The following BTBD8 variants were observed in gnomAD, a reference collection of about 807,000 sequenced individuals.
The protein encoded by BTBD8 is BTB/POZ domain-containing protein 8.
Under a neutral mutation model 162.9 loss-of-function variants are expected in BTBD8, and 110 were observed. That is an observed-to-expected ratio of 0.68 (90% confidence interval 0.58 to 0.79). The LOEUF is 0.79. Among genes scored for constraint, BTBD8 ranks in the 30% least tolerant of loss-of-function variants. The probability of loss-of-function intolerance (pLI) is 0.00; values close to 1 mark genes in which losing one functional copy is unlikely to be tolerated. For missense variants in BTBD8, 1,905 were observed against 2,085.4 expected (o/e 0.91, Z 1.68); for synonymous variants, 667 against 716.1 (o/e 0.93, Z 1.10).
At chr1:92,176,691 A>C (rs944441829) in intron 13 of BTBD8, 138 bp from the exon 14 acceptor site, 2 of 466,026 alleles carry the variant, frequency 4.3e-6, no homozygotes. Context: ...ATGATCAAAG[A>C]CAGTTCAAGC....
In BTBD8 at chr1:92,168,923, T is replaced by C. The variant is rs1423860602; in HGVS notation, c.1501T>C (p.Ser501Pro). 1 of 1,544,686 alleles carries C rather than the reference T, an allele frequency of 6.5e-7. No homozygotes were observed. Among genetic ancestry groups the C allele is most frequent in the Admixed American group, 2.0e-5 (1 of 50,950 alleles). ...TAAGCTGTGGATCTTCCTGGTTCAG[T>C]CTTTCTATGCTGTTCGTCACACAGA... Reference protein sequence around the residue: ...RDKLWIFLVQSFYAVRHTESW... With the variant: ...RDKLWIFLVQPFYAVRHTESW... Residue 501 changes from serine (S) to proline (P), a missense_variant, in exon 12 of 18, where the codon TCT becomes CCT. Physicochemically the swap from Ser to Pro is moderately conservative, Grantham distance 74 (BLOSUM62 -1). Around this residue, in one of 3 missense-constraint regions of BTBD8, gnomAD observed 1,374 missense variants for 1,442.7 expected, o/e 0.95. Transcript: ENST00000636805.
intron 1 of BTBD8, among the ~76,000 whole-genome samples, chr1:92,083,004 G>A (rs146013752): frequency 7.9e-4 from 120 of 152,078 alleles, no homozygotes; most frequent in African/African-American, 2.7e-3. Context: ...AGAAATGATG[G>A]TGGCACCTAT....
Position 92,180,771 on chromosome 1 carries a change from A to T in BTBD8, c.3088A>T (p.Asn1030Tyr), listed in dbSNP as rs1317037023. ...AGAGAAGTTGGCGTTAGAATGCCAA[A>T]ATATTTCAAAGCTGGATAAATCATT... ...EKEKLALECQ[N>Y]ISKLDKSLKH... The change falls in exon 17 of 18, where the codon AAT (asparagine) becomes TAT (tyrosine). Residue 1030 changes from asparagine to tyrosine, a missense_variant. By Grantham distance (143) the Asn-to-Tyr change is moderately radical (BLOSUM62 -2). Transcript: ENST00000636805. The T allele has an allele frequency of 6.4e-7, 1 of 1,551,780 alleles. No individual in the cohort carries two copies. The highest frequency in any genetic ancestry group is 1.4e-5 in the African/African-American group (1 of 73,182).
At position 92,159,533 on chromosome 1, in the gene BTBD8, T is replaced by C. The variant is rs1345462153; in HGVS notation, c.1123-7425T>C. ...TTTTCTTATGCTCTCATGTTGCTTTTTAATGTACTTTTGTTTCAACTTGAA... is the reference window on the plus strand; with the variant it reads ...TTTTCTTATGCTCTCATGTTGCTTTCTAATGTACTTTTGTTTCAACTTGAA... On this transcript the variant is annotated intron_variant, in intron 9 of 17. Transcript: ENST00000636805. 2.0e-5 allele frequency among the ~76,000 whole-genome samples: 3 copies of C among 152,198 alleles called. No homozygotes were observed. The South Asian group carries it at 6.2e-4, about 32-fold the overall frequency.
chr1:92,128,348 G>A (rs1249181512), intron 4 of BTBD8, among the ~76,000 whole-genome samples: 3 of 151,782 alleles, frequency 2.0e-5, no homozygotes, highest in East Asian at 1.9e-4. Context: ...GTGCAATCTC[G>A]GCTCACTGCA....
intron 1 of BTBD8, among the ~76,000 whole-genome samples, chr1:92,085,521 G>A (rs1410418972): frequency 6.6e-6 from 1 of 152,090 alleles, no homozygotes; most frequent in Non-Finnish European, 1.5e-5. Flanking sequence ...GAACCTAGGA[G>A]GTAGAGGTGC....
At position 92,183,992 on chromosome 1, in the gene BTBD8, C is replaced by T. The variant is rs755501596; in HGVS notation, c.5041C>T (p.His1681Tyr). ...AFEQKVESET[H>Y]VTDMDFEDDQ... is the part of the protein sequence containing the mutation. Reference sequence around the variant, plus strand: ...TGAGCAGAAAGTGGAATCAGAAACACATGTTACAGATATGGATTTTGAAGA... The same window carrying T: ...TGAGCAGAAAGTGGAATCAGAAACATATGTTACAGATATGGATTTTGAAGA... Residue 1681 changes from histidine to tyrosine, a missense_variant, in exon 18 of 18, where the codon CAT becomes TAT. Coordinates refer to ENST00000636805, the MANE Select transcript of BTBD8 (RefSeq NM_001376131.1). 1.5e-5 allele frequency: 23 copies of T among 1,551,386 alleles called. No homozygotes were observed. Among genetic ancestry groups the T allele is most frequent in the Non-Finnish European group, 1.6e-5 (18 of 1,146,836 alleles).
In BTBD8 at chr1:92,087,519, T is replaced by C. The variant is rs191641824; in HGVS notation, c.150-1179T>C. On this transcript the variant is annotated intron_variant, in intron 1 of 17. Transcript: ENST00000636805. The stretch of plus-strand genomic sequence containing the variant: ...TTTATGCTCTGAAGCATTTGTTTTG[T>C]CTAGGGTAAAATAGGATCATTTAAT... Among the ~76,000 whole-genome samples, 499 of 152,348 alleles carry C rather than the reference T, an allele frequency of 3.3e-3. 3 individuals carry two copies. Among genetic ancestry groups the C allele is most frequent in the Middle Eastern group, 6.8e-3 (2 of 294 alleles).
At chr1:92,174,681 A>T (rs979854515) in intron 13 of BTBD8, among the ~76,000 whole-genome samples, 1 of 152,090 alleles carries the variant, frequency 6.6e-6, no homozygotes, top group African/African-American at 2.4e-5. Context: ...GACCAAGCCT[A>T]TCTGAACGTT....
intron 13 of BTBD8, among the ~76,000 whole-genome samples, chr1:92,172,400 G>A (rs777139240): frequency 2.6e-5 from 4 of 152,192 alleles, no homozygotes. Flanking sequence ...GAGTACTTAA[G>A]TGTATTAAAT....
chr1:92,178,113 G>A (rs1010293822), intron 15 of BTBD8, among the ~76,000 whole-genome samples, 199 bp from the exon 16 acceptor site: 12 of 151,886 alleles, frequency 7.9e-5, no homozygotes, highest in Non-Finnish European at 1.5e-5. Flanking sequence ...GTGTACTATG[G>A]CATATGATTA....
At position 92,164,755 on chromosome 1, in the gene BTBD8, G is replaced by A. The variant is rs567444584; in HGVS notation, c.1123-2203G>A. Among the ~76,000 whole-genome samples, 62 of 150,640 alleles carry A rather than the reference G, an allele frequency of 4.1e-4. 1 individual carries two copies. The highest frequency in any genetic ancestry group is 1.1e-3 in the African/African-American group (46 of 41,208). On this transcript the variant is annotated intron_variant, in intron 9 of 17. Transcript: ENST00000636805. ...TGGCTCACTGCAAGCTCTGCCTCCC[G>A]GGTTCATGCCATCCTTCTACCTCAG...
In BTBD8 at chr1:92,107,957, A is replaced by C; in HGVS notation, c.618A>C (p.Pro206=). ...LLKLYVKPCC[P]DIDIFVDGKR... is the part of the protein sequence containing the mutation. ...AGCTTTATGTGAAACCTTGTTGCCCAGATATTGATATTTTTGTTGATGGAA... is the reference window on the plus strand; with the variant it reads ...AGCTTTATGTGAAACCTTGTTGCCCCGATATTGATATTTTTGTTGATGGAA... The change falls in exon 4 of 18, where the codon CCA becomes CCC. Residue 206 remains proline, a synonymous_variant. Transcript: ENST00000636805. The C allele has an allele frequency of 6.2e-7, 1 of 1,614,126 alleles. No homozygotes were observed.
chr1:92,129,675 T>A lies in BTBD8; in HGVS notation c.663-12T>A. 6.2e-7 allele frequency: 1 copy of A among 1,607,226 alleles called. No homozygotes were observed. Among genetic ancestry groups the A allele is most frequent in the Non-Finnish European group, 8.5e-7 (1 of 1,173,704 alleles). On this transcript the variant is annotated splice_polypyrimidine_tract_variant and intron_variant, in intron 4 of 17. Coordinates refer to ENST00000636805, the MANE Select transcript of BTBD8 (RefSeq NM_001376131.1). ...AATGTTTACCTGTGTTTCTCCCCCC[T>A]CTTCCCTTTAGGGCCATTTTGAGTG...
intron 5 of BTBD8, among the ~76,000 whole-genome samples, chr1:92,133,204 AC>A (rs1247163246): frequency 1.3e-5 from 2 of 152,134 alleles, no homozygotes; most frequent in African/African-American, 4.8e-5. Flanking sequence ...AGGATCATAA[AC>A]CTTGGTGTCC....
intron 4 of BTBD8, among the ~76,000 whole-genome samples, chr1:92,111,117 G>T (rs376524478): frequency 2.0e-5 from 3 of 151,276 alleles, no homozygotes; most frequent in Admixed American, 2.0e-4. Flanking sequence ...TCACCCTCCC[G>T]AGTAGCTGGG....
intron 13 of BTBD8, among the ~76,000 whole-genome samples, chr1:92,175,497 A>G (rs1427378227): frequency 6.7e-6 from 1 of 149,828 alleles, no homozygotes; most frequent in Non-Finnish European, 1.5e-5. Flanking sequence ...AAAAAAAAAA[A>G]AAGAATGACA....
intron 9 of BTBD8, among the ~76,000 whole-genome samples, chr1:92,165,522 G>C (rs1269252979): frequency 1.3e-5 from 2 of 149,434 alleles, no homozygotes; most frequent in African/African-American, 5.1e-5. Context: ...AAAAAAAACA[G>C]AGGCTGTGCA....
rs567069612 is a variant in BTBD8 at position 92,138,730 on chromosome 1, T to A, written c.753-620T>A. Among the ~76,000 whole-genome samples the A allele has an allele frequency of 3.9e-4, 59 of 152,316 alleles. 1 individual carries two copies. Among genetic ancestry groups the A allele is most frequent in the African/African-American group, 1.4e-3 (59 of 41,568 alleles). On this transcript the variant is annotated intron_variant, in intron 5 of 17. Coordinates refer to ENST00000636805, the MANE Select transcript of BTBD8 (RefSeq NM_001376131.1). ...TGCAAGACGCTATGTAGCAGTGCTCTCAACAAGATGGGAATAACAGAAAGA... is the reference window on the plus strand; with the variant it reads ...TGCAAGACGCTATGTAGCAGTGCTCACAACAAGATGGGAATAACAGAAAGA...
Sources: allele counts gnomAD v4.1 joint callset (sites outside exome capture counted in the v4.1 genomes callset), GRCh38; gene constraint gnomAD v4.1.1; regional missense constraint gnomAD v4.1.1; transcripts MANE v1.5; gene names NCBI Gene and HGNC (gene_info 2026-07-23, HGNC 2026-07-21).